Variants in KIAA0825 observed in about 807,000 individuals in gnomAD.
KIAA0825 encodes the protein uncharacterized protein KIAA0825.
KIAA0825 carries 119 observed loss-of-function variants against 147.6 expected under a neutral mutation model. The ratio of observed to expected loss-of-function variants is 0.81; its 90% CI spans 0.69 to 0.94. The LOEUF (loss-of-function observed/expected upper bound fraction) is 0.94, where lower values mean the gene tolerates loss of function less well. Among genes scored for constraint, KIAA0825 ranks in the 40% least tolerant of loss-of-function variants. KIAA0825 has a pLI of 0.00. For synonymous variants in KIAA0825, 470 were observed against 518.1 expected (o/e 0.91, Z 1.26); for missense variants, 1,381 against 1,472.7 (o/e 0.94, Z 1.02).
chr5:94,601,975 A>G (rs1282944196), intron 1 of KIAA0825, among the ~76,000 whole-genome samples: 3 of 152,248 alleles, frequency 2.0e-5, no homozygotes, highest in Non-Finnish European at 2.9e-5. Flanking sequence ...ATATTTCAGG[A>G]TATCATCCAT....
chr5:94,310,219 T>C (rs939124165), intron 20 of KIAA0825, among the ~76,000 whole-genome samples: 1 of 151,656 alleles, frequency 6.6e-6, no homozygotes, highest in Non-Finnish European at 1.5e-5. Context: ...TCATTGCCAG[T>C]TGGTGATGAG....
At chr5:94,167,307 C>T (rs1043583815) in intron 20 of KIAA0825, among the ~76,000 whole-genome samples, 3 of 152,062 alleles carry the variant, frequency 2.0e-5, no homozygotes, top group Non-Finnish European at 4.4e-5. Flanking sequence ...TTAGGTAACT[C>T]GAAAGTTGAT....
chr5:94,559,402 T>TAGAC (rs1003872302), intron 2 of KIAA0825, among the ~76,000 whole-genome samples: 27 of 152,310 alleles, frequency 1.8e-4, no homozygotes, highest in African/African-American at 6.3e-4. Flanking sequence ...TCACACTGTC[T>TAGAC]AAGATGGAAT....
chr5:94,612,041 A>G (rs1788964054), intron 1 of KIAA0825: 1 of 152,198 alleles, frequency 6.6e-6, no homozygotes, highest in African/African-American at 2.4e-5. Context: ...ACATGATGCC[A>G]AAAATCAGTT....
At chr5:94,334,269 T>C (rs1781572260) in intron 20 of KIAA0825, among the ~76,000 whole-genome samples, 1 of 152,208 alleles carries the variant, frequency 6.6e-6, no homozygotes, top group African/African-American at 2.4e-5. Flanking sequence ...GTAAGACAAG[T>C]AGAAGATATG....
At chr5:94,362,793 T>G (rs577159139) in intron 20 of KIAA0825, among the ~76,000 whole-genome samples, 1 of 152,352 alleles carries the variant, frequency 6.6e-6, no homozygotes, top group African/African-American at 2.4e-5. Context: ...AGTCACAGAT[T>G]TATCTATTTA....
intron 20 of KIAA0825, among the ~76,000 whole-genome samples, chr5:94,202,036 A>T (rs115280770): frequency 0.022 from 3,307 of 152,308 alleles, 63 homozygotes; most frequent in Non-Finnish European, 0.035. Context: ...CAGATATTAA[A>T]GATAGGGGGT....
chr5:94,364,395 T>G (rs1031818581), intron 20 of KIAA0825, among the ~76,000 whole-genome samples: 7 of 151,906 alleles, frequency 4.6e-5, no homozygotes, highest in Admixed American at 1.3e-4. Context: ...TTTTCTTTTT[T>G]TTTTGAGATG....
chr5:94,360,047 T>A (rs913687366), intron 20 of KIAA0825, among the ~76,000 whole-genome samples: 10 of 152,068 alleles, frequency 6.6e-5, no homozygotes, highest in Non-Finnish European at 1.2e-4. Flanking sequence ...TTTTAAGAGA[T>A]GATATAATGG....
At chr5:94,196,458 CT>C (rs879523504) in intron 20 of KIAA0825, among the ~76,000 whole-genome samples, 348 of 143,144 alleles carry the variant, frequency 2.4e-3, no homozygotes, top group East Asian at 2.6e-3. Context: ...GACGAAACTT[CT>C]TTTTTTTTTT....
intron 2 of KIAA0825, among the ~76,000 whole-genome samples, chr5:94,554,240 A>G (rs745630056): frequency 2.6e-5 from 4 of 152,094 alleles, no homozygotes; most frequent in Admixed American, 6.5e-5. Context: ...TCTGAGACCA[A>G]CTCAGACATC....
At chr5:94,324,840 A>G (rs1195311634) in intron 20 of KIAA0825, among the ~76,000 whole-genome samples, 1 of 151,544 alleles carries the variant, frequency 6.6e-6, no homozygotes, top group African/African-American at 2.4e-5. Flanking sequence ...GTAATTCATC[A>G]TTTAAAAAGG....
At chr5:94,397,115 TC>T (rs1017919774) in intron 16 of KIAA0825, among the ~76,000 whole-genome samples, 1 of 152,160 alleles carries the variant, frequency 6.6e-6, no homozygotes, top group Non-Finnish European at 1.5e-5. Flanking sequence ...AATAATTATG[TC>T]CTTTTCCTGC....
chr5:94,386,144 A>C lies in KIAA0825; in HGVS notation c.3619+98T>G, dbSNP rs1010973429. On this transcript the variant is annotated intron_variant, in intron 19 of 20. Coordinates refer to ENST00000682413, the MANE Select transcript of KIAA0825 (RefSeq NM_001145678.3). ...GAACAAGGCCTTTTGCTTCCTAGCA[A>C]AATAAGCTTATGAGTAAATACTCAA... The C allele has an allele frequency of 2.3e-5, 26 of 1,107,118 alleles. No individual in the cohort carries two copies. In the African/African-American group the frequency reaches 4.1e-4, roughly 18 times the overall value. The allele number at this position is 1,107,118 out of a possible 1,614,324, so 68.6% of individuals were successfully genotyped here.
At chr5:94,283,671 C>T (rs1229549792) in intron 20 of KIAA0825, among the ~76,000 whole-genome samples, 1 of 151,992 alleles carries the variant, frequency 6.6e-6, no homozygotes, top group Non-Finnish European at 1.5e-5. Flanking sequence ...ATTTGTTATT[C>T]CCTAATAATA....
At chr5:94,578,732 G>T (rs1781518859) in intron 2 of KIAA0825, among the ~76,000 whole-genome samples, 1 of 152,130 alleles carries the variant, frequency 6.6e-6, no homozygotes, top group Non-Finnish European at 1.5e-5. Flanking sequence ...TAGTATAGTG[G>T]TTTACAGGCT....
At chr5:94,534,530 T>G (rs1771576059) in intron 3 of KIAA0825, among the ~76,000 whole-genome samples, 1 of 152,188 alleles carries the variant, frequency 6.6e-6, no homozygotes, top group South Asian at 2.1e-4. Context: ...TGCTCTAGGT[T>G]CGTTTTAATA....
intron 20 of KIAA0825, among the ~76,000 whole-genome samples, chr5:94,283,862 T>C (rs2150157460): frequency 6.6e-6 from 1 of 152,190 alleles, no homozygotes; most frequent in East Asian, 1.9e-4. Context: ...GATTACTGAA[T>C]GCCTAAATTG....
At chr5:94,241,576 A>G (rs1388815017) in intron 20 of KIAA0825, among the ~76,000 whole-genome samples, 1 of 152,256 alleles carries the variant, frequency 6.6e-6, no homozygotes, top group East Asian at 1.9e-4. Context: ...ATGAATGAAC[A>G]GATTACTTTA....
Sources: allele counts gnomAD v4.1 joint callset (sites outside exome capture counted in the v4.1 genomes callset), GRCh38; gene constraint gnomAD v4.1.1; transcripts MANE v1.5; gene names NCBI Gene and HGNC (gene_info 2026-07-23, HGNC 2026-07-21).